Variants in PLCB4 observed in about 807,000 individuals in gnomAD.
The protein encoded by PLCB4 is 1-phosphatidylinositol 4,5-bisphosphate phosphodiesterase beta-4.
In PLCB4, 77 loss-of-function variants were observed where a neutral mutation model predicts 178.8. The ratio of observed to expected loss-of-function variants is 0.43; its 90% confidence interval spans 0.36 to 0.52. The LOEUF (loss-of-function observed/expected upper bound fraction) is 0.52, where lower values mean the gene tolerates loss of function less well. Among genes scored for constraint, PLCB4 ranks in the 20% least tolerant of loss-of-function variants. The probability of loss-of-function intolerance (pLI) is 0.00; values close to 1 mark genes in which losing one functional copy is unlikely to be tolerated. For synonymous variants in PLCB4, 496 were observed against 490.8 expected (o/e 1.01, Z -0.14); for missense variants, 1,024 against 1,453.4 (o/e 0.70, Z 4.80).
chr20:9,110,526 C>A (rs1291814344), intron 2 of PLCB4, among the ~76,000 whole-genome samples: 1 of 152,162 alleles, frequency 6.6e-6, no homozygotes, highest in Non-Finnish European at 1.5e-5. Flanking sequence ...AGAGAATAAA[C>A]AGGAAATTAG....
intron 3 of PLCB4, among the ~76,000 whole-genome samples, chr20:9,245,854 G>C (rs765131427): frequency 6.6e-6 from 1 of 151,662 alleles, no homozygotes; most frequent in Non-Finnish European, 1.5e-5. Context: ...GGCTGGTCTC[G>C]AACTCATGAC....
At chr20:9,393,526 C>T in intron 17 of PLCB4, 62 bp from the exon 18 acceptor site, 2 of 1,137,836 alleles carry the variant, frequency 1.8e-6, no homozygotes, top group Admixed American at 3.7e-5. Context: ...TCCTCCTGGA[C>T]TGGGAAGGAG....
intron 2 of PLCB4, among the ~76,000 whole-genome samples, chr20:9,176,717 A>G (rs1377496772): frequency 6.6e-6 from 1 of 152,188 alleles, no homozygotes; most frequent in Non-Finnish European, 1.5e-5. Flanking sequence ...CAAAACCCTT[A>G]AACTACATAT....
At chr20:9,468,515 T>TA in intron 35 of PLCB4, 56 bp from the exon 36 acceptor site, 1 of 1,070,388 alleles carries the variant, frequency 9.3e-7, no homozygotes, top group Non-Finnish European at 1.5e-6. Flanking sequence ...CTCTACCCAT[T>TA]AAACACAAAC....
chr20:9,238,204 A>G (rs1177052080), intron 3 of PLCB4, among the ~76,000 whole-genome samples: 2 of 152,156 alleles, frequency 1.3e-5, no homozygotes, highest in African/African-American at 2.4e-5. Context: ...CTAGGTGCCT[A>G]TGGATATAGT....
intron 7 of PLCB4, among the ~76,000 whole-genome samples, chr20:9,349,643 G>A (rs2148147671): frequency 6.6e-6 from 1 of 152,242 alleles, no homozygotes; most frequent in African/African-American, 2.4e-5. Context: ...CATAAGAAGA[G>A]ACTGTAGACC....
chr20:9,111,136 C>T (rs1465589511), intron 2 of PLCB4, among the ~76,000 whole-genome samples: 1 of 152,136 alleles, frequency 6.6e-6, no homozygotes, highest in Non-Finnish European at 1.5e-5. Flanking sequence ...GTCACAGACA[C>T]CCCCCTCAGG....
intron 38 of PLCB4, among the ~76,000 whole-genome samples, chr20:9,475,478 G>A (rs557279113): frequency 1.8e-4 from 27 of 152,180 alleles, no homozygotes; most frequent in African/African-American, 6.3e-4. Context: ...ATTCAAATAT[G>A]TCTTTTAAGG....
intron 3 of PLCB4, among the ~76,000 whole-genome samples, chr20:9,263,657 TC>T (rs984663426): frequency 1.3e-5 from 2 of 152,190 alleles, no homozygotes; most frequent in African/African-American, 4.8e-5. Context: ...TCTCCTTTTA[TC>T]TGGCAGCTAA....
chr20:9,204,437 C>T (rs1171610537), intron 2 of PLCB4, among the ~76,000 whole-genome samples: 9 of 151,912 alleles, frequency 5.9e-5, no homozygotes, highest in Admixed American at 2.0e-4. Flanking sequence ...CGGCTCACTG[C>T]AAACCTCTGC....
chr20:9,343,326 A>G lies in PLCB4; in HGVS notation c.369+4289A>G, dbSNP rs1009279817. On this transcript the variant is annotated intron_variant, in intron 7 of 39. Coordinates refer to ENST00000378473, the MANE Select transcript of PLCB4 (RefSeq NM_001377142.1). ...CTTAGTGTCTTTTATACCAAGGACC[A>G]TGTTCCATGTGGAGGAAGCTTTCCT... is the stretch of plus-strand genomic sequence containing the variant. 4.2e-4 allele frequency among the ~76,000 whole-genome samples: 64 copies of G among 152,174 alleles called. 1 individual carries two copies. The highest frequency in any genetic ancestry group is 3.8e-3 in the Admixed American group (58 of 15,278).
chr20:9,169,733 G>A (rs1316828185), intron 2 of PLCB4, among the ~76,000 whole-genome samples: 2 of 152,064 alleles, frequency 1.3e-5, no homozygotes, highest in Non-Finnish European at 2.9e-5. Flanking sequence ...CCTTCCCATT[G>A]TACTTTCCTC....
chr20:9,450,599 G>C (rs1161575754), intron 32 of PLCB4, among the ~76,000 whole-genome samples: 1 of 150,870 alleles, frequency 6.6e-6, no homozygotes, highest in Non-Finnish European at 1.5e-5. Context: ...CATCTCATAA[G>C]CAACTCATGA....
intron 2 of PLCB4, among the ~76,000 whole-genome samples, chr20:9,101,636 G>A (rs894995064): frequency 2.0e-5 from 3 of 152,000 alleles, no homozygotes. Context: ...CTTTTTATCA[G>A]GTATTAGCTG....
At position 9,469,790 on chromosome 20, in the gene PLCB4, C is replaced by A. The variant is rs749507778; in HGVS notation, c.3350+1118C>A. 6.6e-5 allele frequency among the ~76,000 whole-genome samples: 10 copies of A among 152,200 alleles called. 1 individual carries two copies. The highest frequency in any genetic ancestry group is 2.0e-4 in the Admixed American group (3 of 15,282). The stretch of plus-strand genomic sequence containing the variant: ...CCAAGTGCAAGCCCTTTAGACACAG[C>A]TGGTGAAGGGGATCTGAGGAGCTGT... On this transcript the variant is annotated intron_variant, in intron 36 of 39. Transcript: ENST00000378473.
At chr20:9,162,889 A>G (rs2092911504) in intron 2 of PLCB4, among the ~76,000 whole-genome samples, 1 of 152,212 alleles carries the variant, frequency 6.6e-6, no homozygotes. Flanking sequence ...TTTAAAATGT[A>G]CAGACCTTTC....
At chr20:9,387,412 A>T (rs2037769319) in intron 14 of PLCB4, 51 bp from the exon 15 acceptor site, 1 of 883,192 alleles carries the variant, frequency 1.1e-6, no homozygotes. Flanking sequence ...AATTTGTATG[A>T]ACACTATTTC....
chr20:9,448,520 C>G (rs2042552737), intron 32 of PLCB4, among the ~76,000 whole-genome samples: 1 of 152,156 alleles, frequency 6.6e-6, no homozygotes, highest in South Asian at 2.1e-4. Flanking sequence ...GCTTGTCCAA[C>G]CTGCATGCAG....
intron 3 of PLCB4, among the ~76,000 whole-genome samples, chr20:9,236,957 C>A (rs1402888941): frequency 6.6e-6 from 1 of 152,122 alleles, no homozygotes; most frequent in Admixed American, 6.6e-5. Context: ...CATCATGACA[C>A]CTATGTGATA....
Sources: allele counts gnomAD v4.1 joint callset (sites outside exome capture counted in the v4.1 genomes callset), GRCh38; gene constraint gnomAD v4.1.1; transcripts MANE v1.5; gene names NCBI Gene and HGNC (gene_info 2026-07-23, HGNC 2026-07-21).